Variants in DIPK1A observed in about 807,000 individuals in gnomAD.
The protein encoded by DIPK1A is divergent protein kinase domain 1A.
A neutral mutation model predicts 40.8 loss-of-function variants in DIPK1A; 27 were observed. That is an observed-to-expected ratio of 0.66 (90% CI 0.49 to 0.91). The LOEUF is 0.91. DIPK1A is among the 40% of genes least tolerant of loss of function. DIPK1A has a pLI of 0.00. For synonymous variants in DIPK1A, 166 were observed against 171.3 expected, an observed-to-expected ratio of 0.97 and a Z score of 0.24; for missense variants, 412 against 505.7, an observed-to-expected ratio of 0.81 and a Z score of 1.78.
intron 1 of DIPK1A, among the ~76,000 whole-genome samples, chr1:92,936,127 A>C (rs1650937013): frequency 6.6e-6 from 1 of 151,956 alleles, no homozygotes; most frequent in African/African-American, 2.4e-5. Context: ...CAACAAAAAA[A>C]CCTCACAGGA....
chr1:92,894,316 G>T (rs924995064), intron 1 of DIPK1A, among the ~76,000 whole-genome samples: 1 of 152,070 alleles, frequency 6.6e-6, no homozygotes, highest in Non-Finnish European at 1.5e-5. Flanking sequence ...TCAGACCACA[G>T]TGCAATCAAA....
At chr1:92,923,760 T>C (rs2100858321) in intron 1 of DIPK1A, among the ~76,000 whole-genome samples, 1 of 152,334 alleles carries the variant, frequency 6.6e-6, no homozygotes, top group Non-Finnish European at 1.5e-5. Context: ...AGCTGCATAG[T>C]TGATGAGCAT....
intron 1 of DIPK1A, among the ~76,000 whole-genome samples, chr1:92,959,544 C>T (rs1443814735): frequency 6.6e-6 from 1 of 150,792 alleles, no homozygotes; most frequent in Non-Finnish European, 1.5e-5. Context: ...CTCTGCCTCC[C>T]AAGTTCACGC....
chr1:92,909,327 C>T (rs554677518), intron 1 of DIPK1A, among the ~76,000 whole-genome samples: 26 of 152,220 alleles, frequency 1.7e-4, no homozygotes, highest in African/African-American at 6.0e-4. Context: ...GTGCTTTGTG[C>T]TATGAGGCAC....
At chr1:92,949,597 A>T (rs940087129) in intron 1 of DIPK1A, among the ~76,000 whole-genome samples, 1 of 152,156 alleles carries the variant, frequency 6.6e-6, no homozygotes. Flanking sequence ...TCAGTACTCA[A>T]ATTAAGAATC....
intron 1 of DIPK1A, 129 bp downstream of exon 1, chr1:92,961,247 A>AG: frequency 2.5e-6 from 1 of 399,504 alleles, no homozygotes; most frequent in Non-Finnish European, 3.7e-6. Flanking sequence ...GCCGGACGGC[A>AG]GGGGGCAGCG....
At chr1:92,901,963 T>C (rs1298393179) in intron 1 of DIPK1A, among the ~76,000 whole-genome samples, 2 of 152,152 alleles carry the variant, frequency 1.3e-5, no homozygotes, top group South Asian at 4.1e-4. Context: ...AGCCCTGGGA[T>C]GCACAGCTGC....
chr1:92,833,526 A>G lies in DIPK1A; in HGVS notation c.475-492T>C, dbSNP rs757146931. 30 of 1,612,578 alleles carry G rather than the reference A, an allele frequency of 1.9e-5. No individual in the cohort carries two copies. The highest frequency in any genetic ancestry group is 2.5e-5 in the Non-Finnish European group (30 of 1,178,686). On this transcript the variant is annotated intron_variant, in intron 4 of 4. Coordinates refer to the DIPK1A transcript ENST00000615519. ...AGATGCAGTGGAGTATCCTTTCTACAATTATTTTTTTCTTTCAGAGGGTAA... is the reference window on the plus strand; with the variant it reads ...AGATGCAGTGGAGTATCCTTTCTACGATTATTTTTTTCTTTCAGAGGGTAA...
chr1:92,877,659 A>G (rs1315385810), intron 1 of DIPK1A, among the ~76,000 whole-genome samples: 2 of 152,218 alleles, frequency 1.3e-5, no homozygotes, highest in East Asian at 3.9e-4. Context: ...TAGGTCTCTG[A>G]GCTTTATTAT....
chr1:92,932,064 TC>T, intron 1 of DIPK1A: 1 of 494,054 alleles, frequency 2.0e-6, no homozygotes, highest in Non-Finnish European at 3.8e-6. Flanking sequence ...CTTTCGGAAT[TC>T]CAGAAGACTC....
chr1:92,846,831 A>ATGTGTG (rs1687633257), intron 4 of DIPK1A, among the ~76,000 whole-genome samples: 1 of 7,698 alleles, frequency 1.3e-4, no homozygotes, highest in Non-Finnish European at 1.8e-4. Context: ...ATATATATAT[A>ATGTGTG]TATATATATA....
intron 4 of DIPK1A, chr1:92,835,149 T>C (rs547759190): frequency 1.7e-6 from 1 of 583,264 alleles, no homozygotes; most frequent in African/African-American, 1.9e-5. Context: ...GACCTGCAGC[T>C]GTTGAGTTCC....
At chr1:92,851,723 T>C (rs1687834381) in intron 2 of DIPK1A, among the ~76,000 whole-genome samples, 1 of 151,574 alleles carries the variant, frequency 6.6e-6, no homozygotes, top group South Asian at 2.1e-4. Flanking sequence ...TAAATGAGGA[T>C]GACCTGCCAA....
chr1:92,932,975 A>G (rs908621525), intron 1 of DIPK1A: 27 of 152,226 alleles, frequency 1.8e-4, no homozygotes, highest in African/African-American at 6.5e-4. Flanking sequence ...CAATTGTAAC[A>G]TATGTACCAC....
At chr1:92,912,918 C>G (rs907035854) in intron 1 of DIPK1A, among the ~76,000 whole-genome samples, 1 of 151,650 alleles carries the variant, frequency 6.6e-6, no homozygotes, top group African/African-American at 2.4e-5. Context: ...CTGTGCAACA[C>G]AGCAAGACCC....
At chr1:92,891,342 T>C (rs1349249991) in intron 1 of DIPK1A, among the ~76,000 whole-genome samples, 1 of 152,048 alleles carries the variant, frequency 6.6e-6, no homozygotes, top group East Asian at 1.9e-4. Flanking sequence ...TAATTTTGGG[T>C]TTGGTTTATT....
At position 92,950,646 on chromosome 1, in the gene DIPK1A, C is replaced by T. The variant is rs565301350; in HGVS notation, c.54+10730G>A. The stretch of plus-strand genomic sequence containing the variant: ...GATAGCTTGCTTGAGCCTGGGACGA[C>T]GCTGCAGTGAGCTATGATTGTGCCA... On this transcript the variant is annotated intron_variant, in intron 1 of 4. Transcript: ENST00000370310. Among the ~76,000 whole-genome samples the T allele has an allele frequency of 5.3e-5, 8 of 152,198 alleles. No individual in the cohort carries two copies. In the South Asian group the frequency reaches 6.2e-4, roughly 12 times the overall value.
At chr1:92,835,739 C>T (rs906093662) in intron 4 of DIPK1A, among the ~76,000 whole-genome samples, 4 of 149,664 alleles carry the variant, frequency 2.7e-5, no homozygotes, top group African/African-American at 9.8e-5. Context: ...TTGTTTTAAA[C>T]ATTTTTCCTG....
intron 2 of DIPK1A, among the ~76,000 whole-genome samples, chr1:92,861,346 A>G (rs1163737604): frequency 2.3e-4 from 1 of 4,350 alleles, no homozygotes; most frequent in South Asian, 4.7e-3. Context: ...TTTTTTTTTG[A>G]GACAGGGTCT....
Sources: gnomAD v4.1 joint callset for allele counts (sites outside exome capture counted in the v4.1 genomes callset) on GRCh38, gnomAD v4.1.1 for gene constraint, MANE v1.5 for transcripts, NCBI Gene and HGNC (gene_info 2026-07-23, HGNC 2026-07-21) for gene names.